The following VAV3 variants were observed in gnomAD, a reference collection of about 807,000 sequenced individuals.
The protein encoded by VAV3 is vav guanine nucleotide exchange factor 3.
A neutral mutation model predicts 131.2 loss-of-function variants in VAV3; 94 were observed. That is an observed-to-expected ratio of 0.72 (90% CI 0.61 to 0.85). The LOEUF (loss-of-function observed/expected upper bound fraction) is 0.85. Ranked by LOEUF, VAV3 falls within the 40% of genes least tolerant of loss-of-function variation. VAV3 has a pLI of 0.00. For missense variants in VAV3, 939 were observed against 1,002.7 expected, an observed-to-expected ratio of 0.94 and a Z score of 0.86; for synonymous variants, 349 against 342.0, an observed-to-expected ratio of 1.02 and a Z score of -0.22.
intron 15 of VAV3, among the ~76,000 whole-genome samples, chr1:107,748,333 C>T (rs1663485161): frequency 6.6e-6 from 1 of 152,122 alleles, no homozygotes; most frequent in South Asian, 2.1e-4. Context: ...AAAGAAACAC[C>T]TATAATGACC....
chr1:107,936,880 G>C (rs747149054), intron 1 of VAV3, among the ~76,000 whole-genome samples: 1 of 152,076 alleles, frequency 6.6e-6, no homozygotes, highest in Non-Finnish European at 1.5e-5. Flanking sequence ...TTCCCCGACC[G>C]ATCTTGTGAT....
intron 19 of VAV3, among the ~76,000 whole-genome samples, chr1:107,645,851 T>G (rs975265841): frequency 6.6e-6 from 1 of 152,110 alleles, no homozygotes; most frequent in Admixed American, 6.6e-5. Flanking sequence ...AATATGCCTC[T>G]GATAGGTTTT....
intron 17 of VAV3, among the ~76,000 whole-genome samples, chr1:107,689,800 G>A (rs762053738): frequency 6.6e-6 from 1 of 152,172 alleles, no homozygotes; most frequent in African/African-American, 2.4e-5. Flanking sequence ...GCCCAAGAGC[G>A]CTGGTTTGGG....
Position 107,596,348 on chromosome 1 carries a change from A to G in VAV3, c.2221-7T>C, listed in dbSNP as rs1406630845. 1 of 1,610,040 alleles carries G rather than the reference A, an allele frequency of 6.2e-7. No individual in the cohort carries two copies. Among genetic ancestry groups the G allele is most frequent in the Non-Finnish European group, 8.5e-7 (1 of 1,178,240 alleles). On this transcript the variant is annotated splice_region_variant and splice_polypyrimidine_tract_variant and intron_variant, in intron 24 of 26. Coordinates refer to ENST00000370056, the MANE Select transcript of VAV3 (RefSeq NM_006113.5). ...TGTAGTACTCCACAAGTTCCTTTGG[A>G]AAAAAGAATCCAACATATTTTTGAT... is the stretch of plus-strand genomic sequence containing the variant.
At chr1:107,708,256 G>A (rs546067073) in intron 15 of VAV3, among the ~76,000 whole-genome samples, 1 of 152,306 alleles carries the variant, frequency 6.6e-6, no homozygotes, top group African/African-American at 2.4e-5. Context: ...AGACAAGCGT[G>A]GATATAGTAG....
At chr1:107,657,912 T>C (rs550029708) in intron 19 of VAV3, among the ~76,000 whole-genome samples, 3 of 152,344 alleles carry the variant, frequency 2.0e-5, no homozygotes, top group East Asian at 1.9e-4. Context: ...TGCTAACTAA[T>C]TGCTATTAGT....
In VAV3 at chr1:107,943,500, G is replaced by C. The variant is rs190446515; in HGVS notation, c.204+21166C>G. On this transcript the variant is annotated intron_variant, in intron 1 of 26. Coordinates refer to ENST00000370056, the MANE Select transcript of VAV3 (RefSeq NM_006113.5). ...ACTCTTAAAACTTCCCAGCACTTTG[G>C]GAGGCCGAGGCAGGCACACACATCA... 3.2e-4 allele frequency among the ~76,000 whole-genome samples: 49 copies of C among 152,256 alleles called. No homozygotes were observed. The East Asian group carries it at 8.3e-3, about 26-fold the overall frequency.
In VAV3 at chr1:107,574,963, C is replaced by CTCTCTGTG. The variant is rs1304869776; in HGVS notation, c.2351-766_2351-765insCACAGAGA. Among the ~76,000 whole-genome samples the CTCTCTGTG allele has an allele frequency of 2.3e-4, 19 of 81,168 alleles. 1 individual carries two copies. The highest frequency in any genetic ancestry group is 8.5e-4 in the African/African-American group (19 of 22,300). The allele number at this position is 81,168 out of a possible 152,430, so 53.2% of individuals were successfully genotyped here. A position where few individuals can be genotyped will look rare whatever the true frequency, so the allele number is the denominator to read the frequency against. On this transcript the variant is annotated intron_variant, in intron 25 of 26. Coordinates refer to ENST00000370056, the MANE Select transcript of VAV3 (RefSeq NM_006113.5). The stretch of plus-strand genomic sequence containing the variant: ...ATCCTGTGTTCAGAGTTGAGTTTCT[C>CTCTCTGTG]TGTGTGTGTGTGTGTGTGTGTGTGT...
chr1:107,778,033 T>C (rs1339505577), intron 3 of VAV3, among the ~76,000 whole-genome samples: 1 of 152,182 alleles, frequency 6.6e-6, no homozygotes, highest in East Asian at 1.9e-4. Context: ...CTTAAATTTA[T>C]GTCTAACAAA....
intron 15 of VAV3, among the ~76,000 whole-genome samples, chr1:107,738,149 G>C (rs1662783316): frequency 6.6e-6 from 1 of 152,134 alleles, no homozygotes; most frequent in South Asian, 2.1e-4. Flanking sequence ...GGTGGGAATT[G>C]AACAATGAGA....
intron 1 of VAV3, among the ~76,000 whole-genome samples, chr1:107,884,820 A>G (rs567512234): frequency 5.3e-5 from 8 of 152,236 alleles, no homozygotes; most frequent in African/African-American, 1.4e-4. Context: ...ATTCCAAAGA[A>G]AGCTTGCAAG....
chr1:107,629,115 T>C (rs924503316), intron 20 of VAV3, among the ~76,000 whole-genome samples: 13 of 152,218 alleles, frequency 8.5e-5, no homozygotes, highest in African/African-American at 2.7e-4. Context: ...TGTGGAACAT[T>C]TGGATATTCG....
At position 107,766,554 on chromosome 1, in the gene VAV3, A is replaced by C. The variant is rs1373006265; in HGVS notation, c.718-4T>G. On this transcript the variant is annotated splice_polypyrimidine_tract_variant and splice_region_variant and intron_variant, in intron 7 of 26. Transcript: ENST00000370056. ...TCCGATGAAGTTTTACAAGTTCCTAAGAAAAGAAAACAATGTGAAAGGAAA... is the reference window on the plus strand; with the variant it reads ...TCCGATGAAGTTTTACAAGTTCCTACGAAAAGAAAACAATGTGAAAGGAAA... 1.6e-5 allele frequency: 26 copies of C among 1,608,562 alleles called. No individual in the cohort carries two copies. The highest frequency in any genetic ancestry group is 5.5e-5 in the South Asian group (5 of 90,574).
chr1:107,734,676 TGCACCCAATACAGGA>T (rs1185389041), intron 15 of VAV3, among the ~76,000 whole-genome samples: 31 of 152,284 alleles, frequency 2.0e-4, no homozygotes, highest in African/African-American at 7.2e-4. Context: ...TAAATATATA[TGCACCCAATACAGGA>T]GCACCCAGAT....
chr1:107,700,544 C>T (rs1268153983), intron 17 of VAV3, among the ~76,000 whole-genome samples: 3 of 152,154 alleles, frequency 2.0e-5, no homozygotes, highest in South Asian at 4.1e-4. Context: ...TGAGTGAGAA[C>T]ATGTGGTGTT....
At chr1:107,873,548 G>A (rs867898418) in intron 2 of VAV3, among the ~76,000 whole-genome samples, 1 of 152,074 alleles carries the variant, frequency 6.6e-6, no homozygotes, top group African/African-American at 2.4e-5. Context: ...GTGTTTTTCA[G>A]GGCCAACAGC....
chr1:107,885,572 CA>C (rs1670995694), intron 1 of VAV3, among the ~76,000 whole-genome samples: 2 of 152,100 alleles, frequency 1.3e-5, no homozygotes, highest in African/African-American at 4.8e-5. Context: ...TAATTATCTA[CA>C]AATGTAGGAG....
At chr1:107,808,603 C>T (rs2102323924) in intron 2 of VAV3, among the ~76,000 whole-genome samples, 1 of 152,196 alleles carries the variant, frequency 6.6e-6, no homozygotes, top group East Asian at 1.9e-4. Context: ...TGATCAGCTG[C>T]CCTCACAAGT....
At chr1:107,772,617 A>C in intron 5 of VAV3, 118 bp downstream of exon 5, 2 of 760,244 alleles carry the variant, frequency 2.6e-6, no homozygotes, top group Non-Finnish European at 4.1e-6. Context: ...ATAATTATAT[A>C]GTTATAAGCA....
Sources: gnomAD v4.1 joint callset for allele counts (sites outside exome capture counted in the v4.1 genomes callset) on GRCh38, gnomAD v4.1.1 for gene constraint, MANE v1.5 for transcripts, NCBI Gene and HGNC (gene_info 2026-07-23, HGNC 2026-07-21) for gene names.